Variants in TCTN3 observed in about 807,000 individuals in gnomAD.
The protein encoded by TCTN3 is tectonic-3.
A neutral mutation model predicts 71.3 loss-of-function variants in TCTN3; 57 were observed. The ratio of observed to expected loss-of-function variants is 0.80; its 90% CI spans 0.65 to 1.00. The LOEUF is 1.00. Ranked by LOEUF, TCTN3 falls within the 50% of genes least tolerant of loss-of-function variation. The pLI is 0.00. For synonymous variants in TCTN3, 258 were observed against 267.8 expected (o/e 0.96, Z 0.36); for missense variants, 696 against 719.9 (o/e 0.97, Z 0.38).
At chr10:95,684,013 A>G (rs1243627744) in intron 9 of TCTN3, among the ~76,000 whole-genome samples, 3 of 152,196 alleles carry the variant, frequency 2.0e-5, no homozygotes, top group African/African-American at 7.2e-5. Flanking sequence ...ATGAGCTCTG[A>G]GAGACACAGC....
At chr10:95,666,670 G>C (rs1369992529) in intron 13 of TCTN3, among the ~76,000 whole-genome samples, 1 of 152,172 alleles carries the variant, frequency 6.6e-6, no homozygotes, top group Non-Finnish European at 1.5e-5. Flanking sequence ...ACTTTGGGAT[G>C]GGAAACGGAA....
chr10:95,665,111 T>C (rs2097924529), intron 13 of TCTN3, among the ~76,000 whole-genome samples: 1 of 152,018 alleles, frequency 6.6e-6, no homozygotes, highest in Admixed American at 6.5e-5. Flanking sequence ...GACTGTCACT[T>C]GATTGTTTGT....
chr10:95,679,585 T>TTC (rs1412048344), intron 13 of TCTN3, among the ~76,000 whole-genome samples: 6 of 48,512 alleles, frequency 1.2e-4, no homozygotes, highest in African/African-American at 3.9e-4. Context: ...AGTCATTTCT[T>TTC]TTTTTTTTTT....
chr10:95,680,323 T>C, intron 13 of TCTN3, 149 bp downstream of exon 13: 1 of 1,002,132 alleles, frequency 1.0e-6, no homozygotes, highest in Non-Finnish European at 1.4e-6. Context: ...TGAATAGACT[T>C]GACAAATTAT....
intron 13 of TCTN3, 53 bp downstream of exon 13, chr10:95,680,419 A>T (rs574043630): frequency 6.5e-7 from 1 of 1,537,612 alleles, no homozygotes; most frequent in Admixed American, 2.2e-5. Context: ...AATGACTGAT[A>T]AGACAATCTA....
chr10:95,690,657 G>A (rs1256181611), intron 3 of TCTN3, among the ~76,000 whole-genome samples: 2 of 152,210 alleles, frequency 1.3e-5, no homozygotes, highest in African/African-American at 4.8e-5. Context: ...AAAAGAGCCA[G>A]GAACACTAAG....
chr10:95,686,733 G>A (rs2097948667), intron 6 of TCTN3, among the ~76,000 whole-genome samples: 1 of 152,200 alleles, frequency 6.6e-6, no homozygotes, highest in African/African-American at 2.4e-5. Context: ...GTGACAGACT[G>A]TGATGCCTAT....
intron 10 of TCTN3, 107 bp downstream of exon 10, chr10:95,683,415 T>C (rs1328064830): frequency 1.9e-6 from 3 of 1,582,030 alleles, no homozygotes; most frequent in Non-Finnish European, 2.6e-6. Flanking sequence ...TACCTCATTA[T>C]AATGAACAAA....
chr10:95,675,091 T>C (rs896583293), intron 13 of TCTN3, among the ~76,000 whole-genome samples: 7 of 152,098 alleles, frequency 4.6e-5, no homozygotes, highest in Non-Finnish European at 1.0e-4. Context: ...TTTCAAGTGG[T>C]TATATGTTTT....
intron 3 of TCTN3, among the ~76,000 whole-genome samples, chr10:95,691,932 A>G (rs1286308499): frequency 6.6e-6 from 1 of 152,216 alleles, no homozygotes; most frequent in Non-Finnish European, 1.5e-5. Context: ...GCTGGTAAGG[A>G]AATGGCAGGA....
intron 3 of TCTN3, among the ~76,000 whole-genome samples, chr10:95,692,045 G>A (rs2097953977): frequency 6.6e-6 from 1 of 152,136 alleles, no homozygotes; most frequent in Non-Finnish European, 1.5e-5. Flanking sequence ...AACATTATTT[G>A]GTGCTTACTA....
chr10:95,689,278 T>C (rs2097951501), intron 3 of TCTN3, among the ~76,000 whole-genome samples: 1 of 152,202 alleles, frequency 6.6e-6, no homozygotes, highest in African/African-American at 2.4e-5. Context: ...TCAGTCAACA[T>C]CTTCATGTTA....
intron 12 of TCTN3, among the ~76,000 whole-genome samples, chr10:95,681,760 C>T (rs1363405201): frequency 6.6e-6 from 1 of 152,120 alleles, no homozygotes; most frequent in African/African-American, 2.4e-5. Context: ...CCTCATGAAA[C>T]TCTGTGCTGA....
chr10:95,677,473 A>ACATTTTTTTTTTTT (rs57706369), intron 13 of TCTN3, among the ~76,000 whole-genome samples: 1 of 24,106 alleles, frequency 4.1e-5, no homozygotes, highest in African/African-American at 1.3e-4. Flanking sequence ...TGAAGTCTAC[A>ACATTTTTTTTTTTT]GTTTTTTTTG....
chr10:95,675,284 G>C (rs11188428), intron 13 of TCTN3, among the ~76,000 whole-genome samples: 32,212 of 151,872 alleles, frequency 0.21, 3,591 homozygotes, highest in Middle Eastern at 0.25. Context: ...ATAGAGACAG[G>C]GTTTTGCCGT....
intron 13 of TCTN3, among the ~76,000 whole-genome samples, chr10:95,672,894 T>C (rs1318864700): frequency 6.6e-6 from 1 of 151,956 alleles, no homozygotes; most frequent in Non-Finnish European, 1.5e-5. Flanking sequence ...AGTTTCACCA[T>C]GTTGGCCAGG....
At position 95,683,569 on chromosome 10, in the gene TCTN3, T is replaced by C. The variant is rs2097945324; in HGVS notation, c.1156A>G (p.Ile386Val). Residue 386 changes from isoleucine (I) to valine (V), a missense_variant, in exon 10 of 14, where the codon ATA becomes GTA. Transcript: ENST00000371217. ...TSPRSGNPGY[I>V]VGKPLLALTD... ...AGAGCCAAGAGTGGCTTCCCAACTA[T>C]ATAGCCAGGATTCCCACTTCTAGGA... 1.2e-6 allele frequency: 2 copies of C among 1,614,142 alleles called. No homozygotes were observed. Among genetic ancestry groups the C allele is most frequent in the Middle Eastern group, 3.3e-4 (2 of 6,062 alleles).
chr10:95,688,700 A>T (rs749782572), intron 3 of TCTN3, among the ~76,000 whole-genome samples: 100 of 152,314 alleles, frequency 6.6e-4, no homozygotes, highest in Non-Finnish European at 1.2e-3. Flanking sequence ...AAGATTTTAG[A>T]TACTTCAAAA....
chr10:95,677,229 C>T (rs752330950), intron 13 of TCTN3, among the ~76,000 whole-genome samples: 19 of 152,058 alleles, frequency 1.2e-4, no homozygotes, highest in Non-Finnish European at 2.4e-4. Flanking sequence ...TATATGTAGA[C>T]ATGACATATG....
Sources: allele counts gnomAD v4.1 joint callset (sites outside exome capture counted in the v4.1 genomes callset), GRCh38; gene constraint gnomAD v4.1.1; transcripts MANE v1.5; gene names NCBI Gene and HGNC (gene_info 2026-07-23, HGNC 2026-07-21).